The following CNTLN variants were observed in gnomAD, a reference collection of about 807,000 sequenced individuals.
CNTLN encodes centlein, centrosomal protein.
A neutral mutation model predicts 180.0 loss-of-function variants in CNTLN; 212 were observed. The ratio of observed to expected loss-of-function variants is 1.18; its 90% CI spans 1.05 to 1.32. CNTLN has a LOEUF of 1.32. CNTLN is among the 40% of genes most tolerant of loss of function. The pLI is 0.00. For missense variants in CNTLN, 2,095 were observed against 1,610.9 expected, an observed-to-expected ratio of 1.30 and a Z score of -5.14; for synonymous variants, 722 against 563.1, an observed-to-expected ratio of 1.28 and a Z score of -3.99.
At chr9:17,262,900 C>T (rs13292380) in intron 5 of CNTLN, among the ~76,000 whole-genome samples, 14 of 150,834 alleles carry the variant, frequency 9.3e-5, no homozygotes, top group Admixed American at 2.0e-4. Context: ...CCTAGTTTGT[C>T]GAGAGTTTTT....
At chr9:17,170,042 TA>T (rs762143753) in intron 2 of CNTLN, among the ~76,000 whole-genome samples, 2 of 152,328 alleles carry the variant, frequency 1.3e-5, no homozygotes, top group South Asian at 2.1e-4. Flanking sequence ...TTTTTCCAGT[TA>T]TTTGTGTCTT....
chr9:17,324,516 G>C (rs1019395552), intron 8 of CNTLN, among the ~76,000 whole-genome samples: 6 of 152,080 alleles, frequency 3.9e-5, no homozygotes, highest in Non-Finnish European at 8.8e-5. Context: ...AAACCCTCTT[G>C]TGTGACATGT....
intron 19 of CNTLN, 64 bp from the exon 20 acceptor site, chr9:17,462,852 T>C: frequency 1.4e-6 from 1 of 690,800 alleles, no homozygotes; most frequent in East Asian, 3.2e-5. Context: ...ATGGCACTTA[T>C]TTTTATGCTG....
intron 2 of CNTLN, among the ~76,000 whole-genome samples, chr9:17,159,156 A>G (rs1819503504): frequency 6.6e-6 from 1 of 152,086 alleles, no homozygotes; most frequent in Non-Finnish European, 1.5e-5. Flanking sequence ...TCTGATTTCC[A>G]ATTTTGTTCC....
chr9:17,346,532 A>G (rs1466861914), intron 12 of CNTLN, among the ~76,000 whole-genome samples: 2 of 152,214 alleles, frequency 1.3e-5, no homozygotes, highest in East Asian at 3.9e-4. Context: ...GTTTTTCTTC[A>G]GCACTTGAAA....
chr9:17,292,645 T>C (rs1829490885), intron 6 of CNTLN, among the ~76,000 whole-genome samples: 1 of 152,150 alleles, frequency 6.6e-6, no homozygotes, highest in East Asian at 1.9e-4. Flanking sequence ...GTTTTTCAAC[T>C]CCATTAGGTT....
chr9:17,204,844 C>G (rs1383154171), intron 2 of CNTLN, among the ~76,000 whole-genome samples: 1 of 152,204 alleles, frequency 6.6e-6, no homozygotes, highest in Non-Finnish European at 1.5e-5. Flanking sequence ...TATCTGTAAT[C>G]CCTAGACTGG....
intron 25 of CNTLN, chr9:17,495,041 G>C: frequency 2.6e-6 from 1 of 390,902 alleles, no homozygotes; most frequent in Non-Finnish European, 5.0e-6. Context: ...ACCATGCCCA[G>C]CTAATTTTTT....
At chr9:17,501,405 G>C (rs2134423701) in intron 25 of CNTLN, among the ~76,000 whole-genome samples, 1 of 152,286 alleles carries the variant, frequency 6.6e-6, no homozygotes, top group African/African-American at 2.4e-5. Context: ...TGGTCTATTT[G>C]TTTTTGCCTG....
At chr9:17,373,194 A>G (rs559492691) in intron 13 of CNTLN, among the ~76,000 whole-genome samples, 16 of 152,156 alleles carry the variant, frequency 1.1e-4, no homozygotes, top group Non-Finnish European at 1.6e-4. Context: ...AATTATCTTT[A>G]TTTGCCAATG....
intron 8 of CNTLN, among the ~76,000 whole-genome samples, chr9:17,313,031 A>G (rs1819316257): frequency 6.6e-6 from 1 of 152,036 alleles, no homozygotes. Flanking sequence ...TATGATTGTT[A>G]TGTCTTTCTG....
At chr9:17,422,503 T>C (rs944889275) in intron 18 of CNTLN, among the ~76,000 whole-genome samples, 1 of 152,210 alleles carries the variant, frequency 6.6e-6, no homozygotes, top group Non-Finnish European at 1.5e-5. Context: ...GAGACTCTAA[T>C]GCGTTTTTCA....
intron 2 of CNTLN, among the ~76,000 whole-genome samples, chr9:17,162,083 G>T (rs1245183172): frequency 2.0e-5 from 3 of 152,064 alleles, no homozygotes; most frequent in Non-Finnish European, 2.9e-5. Flanking sequence ...CCTCTTCACT[G>T]AGAAAGCTTT....
At chr9:17,319,466 A>G (rs1237026760) in intron 8 of CNTLN, among the ~76,000 whole-genome samples, 1 of 152,144 alleles carries the variant, frequency 6.6e-6, no homozygotes, top group East Asian at 1.9e-4. Flanking sequence ...ATTTTTTTCT[A>G]TCTGTAAATT....
chr9:17,165,373 T>C (rs1159137370), intron 2 of CNTLN, among the ~76,000 whole-genome samples: 1 of 152,006 alleles, frequency 6.6e-6, no homozygotes, highest in Non-Finnish European at 1.5e-5. Flanking sequence ...TAAAGAGAAG[T>C]AGAGAAAAGG....
chr9:17,443,388 T>C (rs1421560059), intron 18 of CNTLN, among the ~76,000 whole-genome samples: 1 of 152,082 alleles, frequency 6.6e-6, no homozygotes, highest in African/African-American at 2.4e-5. Flanking sequence ...AAGAAAAATA[T>C]TGTTTAAATA....
At chr9:17,165,484 A>C (rs566113962) in intron 2 of CNTLN, among the ~76,000 whole-genome samples, 24 of 152,300 alleles carry the variant, frequency 1.6e-4, no homozygotes, top group Admixed American at 9.8e-4. Flanking sequence ...AATACATAGA[A>C]TGTAGAAATT....
chr9:17,446,282 C>A (rs1163290480), intron 18 of CNTLN, among the ~76,000 whole-genome samples: 1 of 152,194 alleles, frequency 6.6e-6, no homozygotes, highest in East Asian at 1.9e-4. Context: ...TCTCGTTCCA[C>A]CTTACGAGAA....
At chr9:17,487,212 A>G (rs753284759) in intron 25 of CNTLN, 146 bp downstream of exon 25, 2 of 660,892 alleles carry the variant, frequency 3.0e-6, no homozygotes, top group East Asian at 2.8e-5. Context: ...TAGAAAGGAA[A>G]GTTAACCCTC....
Sources: gnomAD v4.1 joint callset for allele counts (sites outside exome capture counted in the v4.1 genomes callset) on GRCh38, gnomAD v4.1.1 for gene constraint, MANE v1.5 for transcripts, NCBI Gene and HGNC (gene_info 2026-07-23, HGNC 2026-07-21) for gene names.